The following GRAMD1A variants were observed in gnomAD, a reference collection of about 807,000 sequenced individuals.
The protein encoded by GRAMD1A is protein Aster-A.
GRAMD1A carries 50 observed loss-of-function variants against 92.0 expected under a neutral mutation model. The ratio of observed to expected loss-of-function variants is 0.54; its 90% CI spans 0.43 to 0.69. The LOEUF is 0.69. Ranked by LOEUF, GRAMD1A falls within the 30% of genes least tolerant of loss-of-function variation. GRAMD1A has a pLI of 0.00. For synonymous variants in GRAMD1A, 405 were observed against 403.6 expected (o/e 1.00, Z -0.04); for missense variants, 819 against 978.9 (o/e 0.84, Z 2.18).
chr19:34,995,586 T>TGG (rs2014003246), upstream of GRAMD1A, among the ~76,000 whole-genome samples: 4 of 144,134 alleles, frequency 2.8e-5, no homozygotes, highest in African/African-American at 1.1e-4. Flanking sequence ...TTTTTTTTTT[T>TGG]TTTTTTTTTT....
At position 35,000,937 on chromosome 19, in the gene GRAMD1A, C is replaced by A. The variant is rs992870044; in HGVS notation, c.8+451C>A. Among the ~76,000 whole-genome samples, 3 of 151,916 alleles carry A rather than the reference C, an allele frequency of 2.0e-5. No individual in the cohort carries two copies. Among genetic ancestry groups the A allele is most frequent in the African/African-American group, 7.3e-5 (3 of 41,350 alleles). ...GGGCGCGCCGGGAGTAGGCAGCCCC[C>A]TCCTGCCTGGGCCCCCTCCCACCGT... On this transcript the variant is annotated intron_variant, in intron 1 of 19. Coordinates refer to ENST00000317991, the MANE Select transcript of GRAMD1A (RefSeq NM_020895.5). This position sits in a 1 kb window ranked among gnomAD's most constrained non-coding sequence, Gnocchi z 4.9.
chr19:35,000,559 G>T lies in GRAMD1A; in HGVS notation c.8+73G>T, dbSNP rs1286234809. The stretch of plus-strand genomic sequence containing the variant: ...CCACCGGAGGGAGGGGGCGCCGCGG[G>T]CTTGGGGAGGGGGCGGAGCGGCCGC... On this transcript the variant is annotated intron_variant, in intron 1 of 19. Transcript: ENST00000317991. This position sits in a 1 kb window ranked among gnomAD's most constrained non-coding sequence, Gnocchi z 4.9. 5.2e-5 allele frequency: 61 copies of T among 1,165,768 alleles called. No homozygotes were observed. The highest frequency in any genetic ancestry group is 6.5e-5 in the Non-Finnish European group (60 of 926,228). The allele number at this position is 1,165,768 out of a possible 1,614,324, so 72.2% of individuals were successfully genotyped here. A position where few individuals can be genotyped will look rare whatever the true frequency, so the allele number is the denominator to read the frequency against.
upstream of GRAMD1A, among the ~76,000 whole-genome samples, chr19:34,999,824 C>T (rs1175001428): frequency 6.6e-6 from 1 of 152,230 alleles, no homozygotes; most frequent in East Asian, 1.9e-4. Flanking sequence ...GGCACCGGAC[C>T]TCCTGGGACC....
rs1193878394 is a variant in GRAMD1A, at chr19:35,009,299, A to G, written c.189A>G (p.Leu63=). Residue 63 remains leucine (L), a synonymous_variant, in exon 2 of 20, where the codon CTA becomes CTG. Coordinates refer to ENST00000317991, the MANE Select transcript of GRAMD1A (RefSeq NM_020895.5). ...CTGGGACCCCCAGCACCCAGAGCCT[A>G]GGCAGCCGGAACTTCATCCGCAACA... ...GVPGTPSTQS[L]GSRNFIRNSK... 6.2e-7 allele frequency: 1 copy of G among 1,614,020 alleles called. No homozygotes were observed. The highest frequency in any genetic ancestry group is 8.5e-7 in the Non-Finnish European group (1 of 1,179,938).
intron 13 of GRAMD1A, 51 bp downstream of exon 13, chr19:35,019,584 T>A: frequency 3.2e-6 from 5 of 1,545,724 alleles, no homozygotes; most frequent in Non-Finnish European, 4.5e-6. Context: ...CCCCAGGGCC[T>A]CCTGTCCACT....
chr19:34,996,057 C>T, upstream of GRAMD1A: 2 of 1,535,714 alleles, frequency 1.3e-6, no homozygotes, highest in South Asian at 2.4e-5. Flanking sequence ...CCTTGGGAGA[C>T]CCTGTTGGCA....
intron 13 of GRAMD1A, among the ~76,000 whole-genome samples, chr19:35,020,203 G>A (rs1478172829): frequency 6.6e-6 from 1 of 152,124 alleles, no homozygotes; most frequent in Non-Finnish European, 1.5e-5. Flanking sequence ...AGTAGCCTGG[G>A]TAACGTACGG....
In GRAMD1A at chr19:35,014,387, G is replaced by C. The variant is rs935752573; in HGVS notation, c.1069G>C (p.Ala357Pro). The change falls in exon 10 of 20, where the codon GCG (alanine) becomes CCG (proline). Residue 357 changes from alanine (A) to proline (P), a missense_variant and splice_region_variant. Ala to Pro is a conservative substitution (Grantham distance 27, BLOSUM62 -1). Around this residue, in one of 3 missense-constraint regions of GRAMD1A, gnomAD observed 577 missense variants for 674.6 expected, o/e 0.86. Transcript: ENST00000317991. ...CTCCTCTTCATCCACTGGGGAGGAA[G>C]GTGAGGCAGGCGGGCCCAATTCATT... ...SNSSSSTGEE[A>P]DLAALLPDLS... 8 of 1,613,448 alleles carry C rather than the reference G, an allele frequency of 5.0e-6. No homozygotes were observed. In the African/African-American group the frequency reaches 9.3e-5, roughly 19 times the overall value.
In GRAMD1A at chr19:35,026,083, TCA is replaced by T; in HGVS notation, c.2120_2121del (p.Thr707SerfsTer7). 2 of 1,607,542 alleles carry T rather than the reference TCA, an allele frequency of 1.2e-6. No homozygotes were observed. Among genetic ancestry groups the T allele is most frequent in the Non-Finnish European group, 1.7e-6 (2 of 1,174,094 alleles). On this transcript the variant is annotated frameshift_variant, in exon 20 of 20. Coordinates refer to ENST00000317991, the MANE Select transcript of GRAMD1A (RefSeq NM_020895.5). LOFTEE classifies it high-confidence loss of function. ...TCGCTGGAGAAGCTGCACCAAGGCA[TCA>T]CAGTCTCAGACCCTCCCTTTGACAC...
chr19:35,003,209 C>T (rs1454801414), intron 1 of GRAMD1A, among the ~76,000 whole-genome samples: 1 of 151,396 alleles, frequency 6.6e-6, no homozygotes, highest in Non-Finnish European at 1.5e-5. Context: ...GAAAGAGACT[C>T]CTTGCAATTG....
chr19:35,019,352 A>C (rs918422969), intron 12 of GRAMD1A, 39 bp from the exon 13 acceptor site: 2 of 1,612,958 alleles, frequency 1.2e-6, no homozygotes, highest in Admixed American at 1.7e-5. Flanking sequence ...CAGCTGGGTG[A>C]GTGGGGTGGC....
At chr19:35,024,223 T>G (rs1353198140) in intron 19 of GRAMD1A, among the ~76,000 whole-genome samples, 1 of 152,242 alleles carries the variant, frequency 6.6e-6, no homozygotes, top group Non-Finnish European at 1.5e-5. Context: ...TGACTGATGC[T>G]ACCTCAAAGA....
chr19:35,012,936 C>T lies in GRAMD1A; in HGVS notation c.607-320C>T, dbSNP rs573464407. ...GTTGCAGTGAGCTGAGATCACACCA[C>T]TGCACTCCAGCCTGAGCGACAGAGC... On this transcript the variant is annotated intron_variant, in intron 7 of 19. Transcript: ENST00000317991. 3 of 272,454 alleles carry T rather than the reference C, an allele frequency of 1.1e-5. No individual in the cohort carries two copies. In the South Asian group the frequency reaches 1.6e-4, roughly 15 times the overall value. The allele number at this position is 272,454 out of a possible 1,614,324, so 16.9% of individuals were successfully genotyped here.
intron 2 of GRAMD1A, 35 bp downstream of exon 2, chr19:35,009,364 T>C: frequency 6.2e-7 from 1 of 1,613,070 alleles, no homozygotes; most frequent in South Asian, 1.1e-5. Context: ...GGGAGAGGGC[T>C]AGTGGGGGCT....
intron 1 of GRAMD1A, among the ~76,000 whole-genome samples, chr19:35,007,140 G>T (rs2014880726): frequency 6.6e-6 from 1 of 152,180 alleles, no homozygotes; most frequent in Non-Finnish European, 1.5e-5. Context: ...CCCAGGGCAG[G>T]GCTCAGACCT....
chr19:35,001,555 C>T (rs919819141), intron 1 of GRAMD1A, among the ~76,000 whole-genome samples: 2 of 151,732 alleles, frequency 1.3e-5, no homozygotes, highest in African/African-American at 4.8e-5. Context: ...CTGGGTTCTA[C>T]CATGACCCTC....
chr19:35,016,103 C>G, intron 11 of GRAMD1A, 136 bp downstream of exon 11: 1 of 915,058 alleles, frequency 1.1e-6, no homozygotes, highest in Non-Finnish European at 1.7e-6. Flanking sequence ...TCTGTCAGAC[C>G]AGAAGCAGCT....
chr19:35,011,667 C>T (rs2015253083), intron 7 of GRAMD1A, 113 bp downstream of exon 7: 1 of 727,006 alleles, frequency 1.4e-6, no homozygotes, highest in Middle Eastern at 3.3e-4. Flanking sequence ...CCATGGGCAC[C>T]AGGCCCAGTG....
chr19:34,996,355 A>G, upstream of GRAMD1A: 1 of 1,334,026 alleles, frequency 7.5e-7, no homozygotes, highest in Non-Finnish European at 1.0e-6. Context: ...CTCTCTGTCA[A>G]GGGTGGGTTC....
Sources: gnomAD v4.1 joint callset for allele counts (sites outside exome capture counted in the v4.1 genomes callset) on GRCh38, gnomAD v4.1.1 for gene constraint, gnomAD v4.1.1 regional missense constraint, Gnocchi (gnomAD v3.1) non-coding constraint, MANE v1.5 for transcripts, NCBI Gene and HGNC (gene_info 2026-07-23, HGNC 2026-07-21) for gene names.